PWWP2A: variants seen among roughly 807,000 people sequenced by gnomAD.
PWWP2A encodes the protein PWWP domain-containing protein 2A.
A neutral mutation model predicts 48.5 loss-of-function variants in PWWP2A; 18 were observed. That is an observed-to-expected ratio of 0.37 (90% CI 0.26 to 0.55). PWWP2A has a LOEUF of 0.55. Ranked by LOEUF, PWWP2A falls within the 20% of genes least tolerant of loss-of-function variation. PWWP2A has a pLI of 0.81. For synonymous variants in PWWP2A, 396 were observed against 387.7 expected (o/e 1.02, Z -0.25); for missense variants, 867 against 976.4 (o/e 0.89, Z 1.49).
chr5:160,116,670 A>G, intron 1 of PWWP2A: 8 of 985,290 alleles, frequency 8.1e-6, no homozygotes, highest in Non-Finnish European at 9.6e-6. Context: ...TATCCATTCC[A>G]TTTCCAAAAA....
chr5:160,081,182 A>G (rs372833012), intron 2 of PWWP2A, among the ~76,000 whole-genome samples: 4 of 152,000 alleles, frequency 2.6e-5, no homozygotes, highest in South Asian at 2.1e-4. Context: ...GTATTCAAAG[A>G]TAAGGCTGAA....
chr5:160,057,069 T>A (rs1252018720), downstream of PWWP2A, among the ~76,000 whole-genome samples: 3 of 152,048 alleles, frequency 2.0e-5, no homozygotes, highest in Non-Finnish European at 4.4e-5. This position sits in a 1 kb window ranked among gnomAD's most constrained non-coding sequence, Gnocchi z 4.4. Context: ...TCTGGCCACA[T>A]GGCACAAGAA....
downstream of PWWP2A, among the ~76,000 whole-genome samples, chr5:160,075,199 T>C (rs767052951): frequency 6.6e-5 from 10 of 152,178 alleles, no homozygotes; most frequent in Non-Finnish European, 1.5e-4. Flanking sequence ...CCATTTTCAT[T>C]AGTGAGAAAT....
intron 1 of PWWP2A, among the ~76,000 whole-genome samples, chr5:160,110,686 A>G (rs1258106981): frequency 6.6e-6 from 1 of 152,110 alleles, no homozygotes; most frequent in East Asian, 1.9e-4. Flanking sequence ...AGCCTGGGCA[A>G]CAAGAGCGAA....
intron 2 of PWWP2A, among the ~76,000 whole-genome samples, chr5:160,081,878 G>A (rs1754258068): frequency 6.6e-6 from 1 of 151,758 alleles, no homozygotes. Flanking sequence ...ATAACATTCA[G>A]TCTTTATAAT....
At chr5:160,055,956 G>C in the PWWP2A span, among the ~76,000 whole-genome samples, 3 of 152,236 alleles carry the variant, frequency 2.0e-5, no homozygotes, top group Non-Finnish European at 4.4e-5. Flanking sequence ...TGGAGGAATA[G>C]AGTCAGTTAC....
chr5:160,094,499 T>A (rs1755408840), intron 1 of PWWP2A, among the ~76,000 whole-genome samples: 1 of 152,198 alleles, frequency 6.6e-6, no homozygotes, highest in East Asian at 1.9e-4. Context: ...CAAAGCAAAT[T>A]CAGCCTTAAC....
chr5:160,070,872 C>T (rs1220296174), intron 2 of PWWP2A, among the ~76,000 whole-genome samples: 1 of 152,176 alleles, frequency 6.6e-6, no homozygotes, highest in Admixed American at 6.5e-5. Flanking sequence ...TTTTATGTAA[C>T]TGAAAGTAGG....
downstream of PWWP2A, among the ~76,000 whole-genome samples, chr5:160,074,438 C>CAAAA (rs796415597): frequency 3.2e-4 from 47 of 147,312 alleles, no homozygotes; most frequent in East Asian, 3.1e-3. Flanking sequence ...AAATCTGTCT[C>CAAAA]AAAAAAATAA....
At chr5:160,115,932 T>C (rs1758090594) in intron 1 of PWWP2A, among the ~76,000 whole-genome samples, 1 of 151,914 alleles carries the variant, frequency 6.6e-6, no homozygotes, top group Admixed American at 6.6e-5. Context: ...TAAGTGCGAA[T>C]TACAAAATAT....
chr5:160,080,675 A>G (rs1178483232), exon 3 of PWWP2A: 1 of 1,561,736 alleles, frequency 6.4e-7, no homozygotes, highest in East Asian at 2.3e-5. Flanking sequence ...GTTAACTTCA[A>G]TGCTCCCAGT....
chr5:160,091,122 G>C, downstream of PWWP2A: 1 of 983,242 alleles, frequency 1.0e-6, no homozygotes, highest in Non-Finnish European at 1.2e-6. Flanking sequence ...AAATCTAAAA[G>C]CATTATCAAA....
At chr5:160,068,477 T>A (rs558819442) in intron 2 of PWWP2A, among the ~76,000 whole-genome samples, 58 of 152,184 alleles carry the variant, frequency 3.8e-4, no homozygotes, top group Non-Finnish European at 6.8e-4. Flanking sequence ...CGGGCGCCTG[T>A]AATCCCAGCT....
Position 160,092,281 on chromosome 5 carries a change from C to A in PWWP2A, c.*101G>T, listed in dbSNP as rs1186677450. The A allele has an allele frequency of 9.1e-6, 13 of 1,435,670 alleles. 1 individual carries two copies. In the East Asian group the frequency reaches 1.7e-4, roughly 19 times the overall value. The allele number at this position is 1,435,670 out of a possible 1,614,324, so 88.9% of individuals were successfully genotyped here. On this transcript the variant is annotated 3_prime_UTR_variant, in exon 2 of 2. Transcript: ENST00000307063. ...AAAGCCAGCCAACTGAGTGCAACTT[C>A]TCTCTCCAATCTGGCCACGCTATTT...
downstream of PWWP2A, among the ~76,000 whole-genome samples, chr5:160,057,417 AT>A (rs199538899): frequency 1.6e-3 from 236 of 152,034 alleles, 2 homozygotes; most frequent in South Asian, 0.013. The surrounding 1 kb of genome is among the most constrained non-coding windows in gnomAD (Gnocchi z 4.4). Context: ...AAAAAAAAAA[AT>A]GTACATACCT....
intron 2 of PWWP2A, among the ~76,000 whole-genome samples, chr5:160,069,177 T>C (rs1244708640): frequency 6.6e-6 from 1 of 151,872 alleles, no homozygotes; most frequent in Non-Finnish European, 1.5e-5. Flanking sequence ...CCCAGCTACT[T>C]GAGGGGCTGA....
intron 1 of PWWP2A, among the ~76,000 whole-genome samples, chr5:160,099,863 G>A (rs1325769760): frequency 1.3e-5 from 2 of 151,532 alleles, no homozygotes; most frequent in Non-Finnish European, 2.9e-5. Flanking sequence ...ATGGAGTTTC[G>A]CCATGTTGGC....
At chr5:160,111,225 TA>T (rs1757536123) in intron 1 of PWWP2A, among the ~76,000 whole-genome samples, 2 of 152,062 alleles carry the variant, frequency 1.3e-5, no homozygotes, top group African/African-American at 4.8e-5. Flanking sequence ...TGGAGTGCAA[TA>T]GCATGATCTC....
chr5:160,117,378 G>A (rs1280930731), intron 1 of PWWP2A, among the ~76,000 whole-genome samples: 1 of 152,238 alleles, frequency 6.6e-6, no homozygotes, highest in East Asian at 1.9e-4. Flanking sequence ...CTTGAGGCCG[G>A]GCACGGCGGC....
Sources: allele counts gnomAD v4.1 joint callset (sites outside exome capture counted in the v4.1 genomes callset), GRCh38; gene constraint gnomAD v4.1.1; non-coding constraint Gnocchi (gnomAD v3.1); transcripts MANE v1.5; gene names NCBI Gene and HGNC (gene_info 2026-07-23, HGNC 2026-07-21).